The following ANKRD12 variants were observed in gnomAD, a reference collection of about 807,000 sequenced individuals.
ANKRD12 encodes ankyrin repeat domain-containing protein 12.
Under a neutral mutation model 183.4 loss-of-function variants are expected in ANKRD12, and 85 were observed. The observed-to-expected ratio is 0.46, with a 90% confidence interval of 0.39 to 0.56. The LOEUF is 0.56. ANKRD12 is among the 20% of genes least tolerant of loss of function. The probability of loss-of-function intolerance (pLI) is 0.00; values close to 1 mark genes in which losing one functional copy is unlikely to be tolerated. For missense variants in ANKRD12, 2,405 were observed against 2,357.1 expected, an observed-to-expected ratio of 1.02 and a Z score of -0.42; for synonymous variants, 914 against 800.2, an observed-to-expected ratio of 1.14 and a Z score of -2.40.
chr18:9,169,117 G>C (rs1277946546), intron 1 of ANKRD12, among the ~76,000 whole-genome samples: 13 of 152,126 alleles, frequency 8.5e-5, no homozygotes, highest in East Asian at 1.9e-4. Flanking sequence ...TTTTACATTT[G>C]CTGAGGAGTG....
chr18:9,216,474 G>A (rs886343215), intron 6 of ANKRD12, among the ~76,000 whole-genome samples: 1 of 152,206 alleles, frequency 6.6e-6, no homozygotes, highest in African/African-American at 2.4e-5. Flanking sequence ...TAGGCTATTA[G>A]TAAAGTTTTG....
chr18:9,148,945 G>C (rs940899941), intron 1 of ANKRD12, among the ~76,000 whole-genome samples: 1 of 152,090 alleles, frequency 6.6e-6, no homozygotes, highest in African/African-American at 2.4e-5. Context: ...GTTTTTTGCT[G>C]TTCCTTCATT....
At chr18:9,259,237 A>G (rs2038819146) in intron 9 of ANKRD12, among the ~76,000 whole-genome samples, 1 of 152,218 alleles carries the variant, frequency 6.6e-6, no homozygotes, top group Non-Finnish European at 1.5e-5. Context: ...AAATCATTTC[A>G]GGTGAACCAT....
intron 1 of ANKRD12, among the ~76,000 whole-genome samples, chr18:9,148,835 C>T (rs762363801): frequency 4.7e-4 from 72 of 152,154 alleles, no homozygotes; most frequent in Non-Finnish European, 8.2e-4. Flanking sequence ...TTTTTAGAAG[C>T]CTTTTTTGTT....
chr18:9,234,995 A>G (rs2037262715), intron 8 of ANKRD12, among the ~76,000 whole-genome samples: 1 of 152,116 alleles, frequency 6.6e-6, no homozygotes, highest in Non-Finnish European at 1.5e-5. Flanking sequence ...CTCTGCCTCA[A>G]GAGTTTCCTG....
chr18:9,169,461 C>T (rs1010433024), intron 1 of ANKRD12, among the ~76,000 whole-genome samples: 2 of 152,086 alleles, frequency 1.3e-5, no homozygotes, highest in African/African-American at 2.4e-5. Flanking sequence ...CTTTACCATT[C>T]TGTAATGGCC....
Position 9,281,138 on chromosome 18 carries a change from TC to T in ANKRD12, c.*14del. The T allele has an allele frequency of 1.2e-6, 2 of 1,606,964 alleles. No homozygotes were observed. The highest frequency in any genetic ancestry group is 1.7e-6 in the Non-Finnish European group (2 of 1,175,560). ...TGACTCCTATATAGCAGTCAGTACT[TC>T]CTGATGGTATTGTCCTAAACTGGTG... On this transcript the variant is annotated 3_prime_UTR_variant, in exon 13 of 13. Coordinates refer to ENST00000262126, the MANE Select transcript of ANKRD12 (RefSeq NM_015208.5).
At chr18:9,196,885 G>GCT (rs1353706857) in intron 3 of ANKRD12, among the ~76,000 whole-genome samples, 1 of 151,940 alleles carries the variant, frequency 6.6e-6, no homozygotes, top group African/African-American at 2.4e-5. Flanking sequence ...ATACTCTCAA[G>GCT]CTAATTACTG....
chr18:9,206,667 G>T (rs552238996), intron 4 of ANKRD12, among the ~76,000 whole-genome samples: 9 of 152,100 alleles, frequency 5.9e-5, no homozygotes, highest in African/African-American at 1.9e-4. Context: ...CATCTGATTC[G>T]AATTTTGTTT....
chr18:9,174,093 A>G (rs1363000946), intron 1 of ANKRD12, among the ~76,000 whole-genome samples: 4 of 152,236 alleles, frequency 2.6e-5, no homozygotes, highest in African/African-American at 9.6e-5. Context: ...GATCTGGCAC[A>G]GCAGCTGTGC....
chr18:9,191,821 ACT>A (rs1387418795), intron 2 of ANKRD12, among the ~76,000 whole-genome samples: 1 of 151,674 alleles, frequency 6.6e-6, no homozygotes, highest in Non-Finnish European at 1.5e-5. Flanking sequence ...GGGCTCTCAC[ACT>A]CTGGGCCACT....
At chr18:9,238,741 TGA>T (rs1369297326) in intron 8 of ANKRD12, among the ~76,000 whole-genome samples, 1 of 152,248 alleles carries the variant, frequency 6.6e-6, no homozygotes, top group African/African-American at 2.4e-5. Context: ...CCAGCTAAAC[TGA>T]GAGTCCTTTG....
intron 1 of ANKRD12, among the ~76,000 whole-genome samples, chr18:9,165,184 T>C (rs2031901510): frequency 1.3e-5 from 2 of 152,320 alleles, no homozygotes; most frequent in South Asian, 4.1e-4. Context: ...TTTGTTGTTT[T>C]CAAGTCTGTT....
intron 8 of ANKRD12, among the ~76,000 whole-genome samples, chr18:9,229,425 G>A (rs1474482610): frequency 1.3e-5 from 2 of 152,146 alleles, no homozygotes; most frequent in Admixed American, 1.3e-4. Context: ...TGATCTATGA[G>A]CATGGGAGGT....
intron 3 of ANKRD12, among the ~76,000 whole-genome samples, chr18:9,196,277 A>G (rs982131657): frequency 6.6e-6 from 1 of 151,784 alleles, no homozygotes; most frequent in East Asian, 1.9e-4. Flanking sequence ...CAAAACTCCT[A>G]TATACCAGAA....
At chr18:9,140,527 AACAG>A (rs2078279557) in intron 1 of ANKRD12, among the ~76,000 whole-genome samples, 1 of 152,204 alleles carries the variant, frequency 6.6e-6, no homozygotes, top group Non-Finnish European at 1.5e-5. Context: ...CTGTTTCTGT[AACAG>A]ACAGTGGCTT....
intron 8 of ANKRD12, among the ~76,000 whole-genome samples, chr18:9,233,410 G>A (rs757169278): frequency 1.3e-5 from 2 of 151,796 alleles, no homozygotes; most frequent in Non-Finnish European, 2.9e-5. Flanking sequence ...TTTTCCCCCA[G>A]GATTCTTGAA....
Position 9,216,811 on chromosome 18 carries a change from A to T in ANKRD12, c.706A>T (p.Ile236Leu). The change falls in exon 7 of 13, where the codon ATA (isoleucine) becomes TTA (leucine). Residue 236 changes from isoleucine (I) to leucine (L), a missense_variant. Ile to Leu is a conservative substitution (Grantham distance 5). This residue lies in a region of ANKRD12 where 39 missense variants were observed against 104.8 expected (regional missense o/e 0.37). Coordinates refer to ENST00000262126, the MANE Select transcript of ANKRD12 (RefSeq NM_015208.5). ...TGTTGGATATTACGATGTTGCTAAG[A>T]TACTTATAGCAGCTGGAGCAGATGT... ...CNVGYYDVAKILIAAGADVNT... is the reference protein window; with the variant it reads ...CNVGYYDVAKLLIAAGADVNT... 6.2e-7 allele frequency: 1 copy of T among 1,613,720 alleles called. No individual in the cohort carries two copies. Among genetic ancestry groups the T allele is most frequent in the Non-Finnish European group, 8.5e-7 (1 of 1,179,726 alleles).
intron 8 of ANKRD12, among the ~76,000 whole-genome samples, chr18:9,243,311 G>T (rs2037765564): frequency 6.6e-6 from 1 of 152,176 alleles, no homozygotes; most frequent in Non-Finnish European, 1.5e-5. Flanking sequence ...GAGTCAGCTG[G>T]TTCAGGGAAC....
Sources: allele counts gnomAD v4.1 joint callset (sites outside exome capture counted in the v4.1 genomes callset), GRCh38; gene constraint gnomAD v4.1.1; regional missense constraint gnomAD v4.1.1; transcripts MANE v1.5; gene names NCBI Gene and HGNC (gene_info 2026-07-23, HGNC 2026-07-21).